The following UST variants were observed in gnomAD, a reference collection of about 807,000 sequenced individuals.
UST encodes chondroitin sulfate 2-O-sulfotransferase.
Under a neutral mutation model 45.6 loss-of-function variants are expected in UST, and 21 were observed. The ratio of observed to expected loss-of-function variants is 0.46; its 90% CI spans 0.33 to 0.66. UST has a LOEUF of 0.66. Ranked by LOEUF, UST falls within the 30% of genes least tolerant of loss-of-function variation. The probability of loss-of-function intolerance (pLI) is 0.02; values close to 1 mark genes in which losing one functional copy is unlikely to be tolerated. For synonymous variants in UST, 215 were observed against 200.6 expected (o/e 1.07, Z -0.61); for missense variants, 463 against 512.4 (o/e 0.90, Z 0.93).
At chr6:148,782,019 A>G (rs886624660) in intron 1 of UST, among the ~76,000 whole-genome samples, 2 of 152,222 alleles carry the variant, frequency 1.3e-5, no homozygotes, top group Non-Finnish European at 2.9e-5. Flanking sequence ...TGCTAGCACA[A>G]CATCCATTCT....
intron 1 of UST, among the ~76,000 whole-genome samples, chr6:148,752,816 T>C (rs1166461600): frequency 2.0e-5 from 3 of 152,170 alleles, no homozygotes; most frequent in African/African-American, 7.2e-5. Flanking sequence ...TGGGTGTCCA[T>C]GATGGACAAT....
At chr6:148,954,764 G>A (rs553239371) in intron 4 of UST, among the ~76,000 whole-genome samples, 2 of 152,340 alleles carry the variant, frequency 1.3e-5, no homozygotes, top group Non-Finnish European at 1.5e-5. Flanking sequence ...GTTTGATGCT[G>A]GGGAGGTATT....
chr6:148,988,831 A>T (rs1403750472), intron 5 of UST, among the ~76,000 whole-genome samples: 1 of 152,020 alleles, frequency 6.6e-6, no homozygotes, highest in Non-Finnish European at 1.5e-5. Flanking sequence ...ATTCCCAAGG[A>T]TGCAGTTCCA....
intron 5 of UST, among the ~76,000 whole-genome samples, chr6:148,975,210 C>A (rs1780992965): frequency 6.6e-6 from 1 of 152,158 alleles, no homozygotes; most frequent in Non-Finnish European, 1.5e-5. Context: ...TCAGGTATTT[C>A]TTTTTTACAT....
chr6:148,805,615 T>A (rs976181452), intron 1 of UST, among the ~76,000 whole-genome samples: 1 of 152,236 alleles, frequency 6.6e-6, no homozygotes, highest in Non-Finnish European at 1.5e-5. Context: ...AGTACCTCTC[T>A]TTTTAAGGCT....
chr6:148,830,310 A>G (rs1777658997), intron 1 of UST, among the ~76,000 whole-genome samples: 1 of 152,236 alleles, frequency 6.6e-6, no homozygotes, highest in South Asian at 2.1e-4. Context: ...ATTTTCTATT[A>G]TCCTTTCATT....
rs145044455 is a variant in UST, at chr6:148,906,087, G to A, written c.291+19058G>A. The stretch of plus-strand genomic sequence containing the variant: ...TATCCAGAATGAACTTGTCAGTTAC[G>A]TAAGCCCCATCCAGCATGATTCCAT... On this transcript the variant is annotated intron_variant, in intron 2 of 7. Coordinates refer to ENST00000367463, the MANE Select transcript of UST (RefSeq NM_005715.3). Among the ~76,000 whole-genome samples the A allele has an allele frequency of 8.4e-3, 1,285 of 152,300 alleles. 21 individuals carry two copies. The highest frequency in any genetic ancestry group is 0.03 in the African/African-American group (1,226 of 41,556).
At chr6:148,798,958 C>T (rs1182909965) in intron 1 of UST, among the ~76,000 whole-genome samples, 2 of 152,106 alleles carry the variant, frequency 1.3e-5, no homozygotes, top group Non-Finnish European at 2.9e-5. Flanking sequence ...CAACCTCTGC[C>T]TCTCGGGTTC....
intron 5 of UST, among the ~76,000 whole-genome samples, chr6:148,989,484 C>G (rs1304336396): frequency 6.6e-6 from 1 of 152,092 alleles, no homozygotes; most frequent in African/African-American, 2.4e-5. Context: ...AGACTATTAC[C>G]AAAATAAAAG....
chr6:148,872,077 C>T (rs1208288623), intron 1 of UST, among the ~76,000 whole-genome samples: 3 of 152,180 alleles, frequency 2.0e-5, no homozygotes, highest in East Asian at 1.9e-4. Context: ...GTGCATGTCG[C>T]GGGTGAAATG....
rs560496881 is a variant in UST, at chr6:149,006,638, T to C, written c.682-12501T>C. Among the ~76,000 whole-genome samples, 17 of 152,336 alleles carry C rather than the reference T, an allele frequency of 1.1e-4. No homozygotes were observed. In the East Asian group the frequency reaches 2.7e-3, roughly 24 times the overall value. Reference sequence around the variant, plus strand: ...GTAATGGGATTGCTGGGTCAAATGGTATTTCTGGTTGTAGATCTTTGAGGA... The same window carrying C: ...GTAATGGGATTGCTGGGTCAAATGGCATTTCTGGTTGTAGATCTTTGAGGA... On this transcript the variant is annotated intron_variant, in intron 5 of 7. Coordinates refer to ENST00000367463, the MANE Select transcript of UST (RefSeq NM_005715.3).
intron 5 of UST, among the ~76,000 whole-genome samples, chr6:149,007,323 T>C (rs534318260): frequency 1.3e-5 from 2 of 149,450 alleles, no homozygotes; most frequent in Non-Finnish European, 3.0e-5. Flanking sequence ...AGTCTCATTC[T>C]TTTGCCCAGG....
At chr6:148,986,659 C>T (rs546770203) in intron 5 of UST, among the ~76,000 whole-genome samples, 23 of 152,382 alleles carry the variant, frequency 1.5e-4, no homozygotes, top group African/African-American at 5.3e-4. Flanking sequence ...ACAGCTGACT[C>T]TCCAACCTCT....
At chr6:148,788,203 C>G (rs1384280011) in intron 1 of UST, among the ~76,000 whole-genome samples, 22 of 152,104 alleles carry the variant, frequency 1.4e-4, no homozygotes, top group Admixed American at 1.4e-3. Context: ...ACCACGAGAA[C>G]AGTATGAGAG....
intron 5 of UST, among the ~76,000 whole-genome samples, chr6:148,969,807 G>A (rs530170593): frequency 1.7e-4 from 26 of 152,162 alleles, no homozygotes; most frequent in Admixed American, 2.6e-4. Flanking sequence ...TCCTTCCCCC[G>A]GGAACCTGTT....
At chr6:148,789,989 CTTTTTTTTT>C (rs56987468) in intron 1 of UST, among the ~76,000 whole-genome samples, 2 of 127,048 alleles carry the variant, frequency 1.6e-5, no homozygotes, top group African/African-American at 5.8e-5. Context: ...TTTCAGGATT[CTTTTTTTTT>C]TTTTTTTTTT....
chr6:148,940,181 T>A, intron 2 of UST, among the ~76,000 whole-genome samples: 1 of 151,940 alleles, frequency 6.6e-6, no homozygotes, highest in East Asian at 1.9e-4. Context: ...ATGGGTATAA[T>A]AAACAACCAA....
At chr6:148,784,232 A>C (rs891510736) in intron 1 of UST, among the ~76,000 whole-genome samples, 2 of 152,228 alleles carry the variant, frequency 1.3e-5, no homozygotes, top group Non-Finnish European at 2.9e-5. Flanking sequence ...ATTAAATTTT[A>C]ACTAAAGTTC....
intron 1 of UST, among the ~76,000 whole-genome samples, chr6:148,838,538 G>A (rs1399531249): frequency 6.6e-6 from 1 of 152,172 alleles, no homozygotes; most frequent in African/African-American, 2.4e-5. Context: ...TGCTGTTGCT[G>A]TTGCTGTTGC....
Sources: gnomAD v4.1 joint callset for allele counts (sites outside exome capture counted in the v4.1 genomes callset) on GRCh38, gnomAD v4.1.1 for gene constraint, MANE v1.5 for transcripts, NCBI Gene and HGNC (gene_info 2026-07-23, HGNC 2026-07-21) for gene names.